RMDN2: variants seen among roughly 807,000 people sequenced by gnomAD.
RMDN2 encodes the protein regulator of microtubule dynamics 2, also known as regulator of microtubule dynamics protein 2.
A neutral mutation model predicts 52.8 loss-of-function variants in RMDN2; 61 were observed. The observed-to-expected ratio is 1.16, with a 90% confidence interval of 0.94 to 1.43. The LOEUF is 1.43. Among genes scored for constraint, RMDN2 ranks in the 40% most tolerant of loss-of-function variants. RMDN2 has a pLI of 0.00. For missense variants in RMDN2, 592 were observed against 475.3 expected (o/e 1.25, Z -2.28); for synonymous variants, 180 against 153.1 (o/e 1.18, Z -1.30).
At chr2:38,031,970 C>T (rs949550143) in intron 10 of RMDN2, among the ~76,000 whole-genome samples, 3 of 152,154 alleles carry the variant, frequency 2.0e-5, no homozygotes, top group Admixed American at 1.3e-4. Context: ...AATGCCGCTG[C>T]CTATCACTCA....
At chr2:37,925,249 G>C (rs962482060), upstream of RMDN2, 2 of 152,400 alleles carry the variant, frequency 1.3e-5, no homozygotes, top group Non-Finnish European at 2.9e-5. Flanking sequence ...GGAGCGGGGG[G>C]CCGAGCGGCC....
chr2:37,997,005 C>T (rs1261477064), intron 7 of RMDN2, among the ~76,000 whole-genome samples: 2 of 152,040 alleles, frequency 1.3e-5, no homozygotes, highest in African/African-American at 4.8e-5. Flanking sequence ...AGAGCAAAGG[C>T]GGAGTCTTGT....
intron 10 of RMDN2, among the ~76,000 whole-genome samples, chr2:38,057,488 T>A (rs749972982): frequency 1.3e-5 from 2 of 152,252 alleles, no homozygotes; most frequent in Admixed American, 6.5e-5. Context: ...GTGGACCAGA[T>A]TTGGACCATG....
At chr2:38,017,147 T>A (rs1227392998) in intron 10 of RMDN2, 39 bp from the exon 11 acceptor site, 1 of 1,277,424 alleles carries the variant, frequency 7.8e-7, no homozygotes, top group Non-Finnish European at 1.1e-6. Context: ...TCAAGATGAA[T>A]GCATGAAATT....
chr2:37,947,428 C>A (rs970453217), intron 2 of RMDN2, among the ~76,000 whole-genome samples: 1 of 151,882 alleles, frequency 6.6e-6, no homozygotes, highest in African/African-American at 2.4e-5. Flanking sequence ...ATAAAATAAC[C>A]AACATTTGTG....
chr2:37,946,227 A>C (rs1668208357), intron 2 of RMDN2, among the ~76,000 whole-genome samples: 1 of 152,206 alleles, frequency 6.6e-6, no homozygotes, highest in African/African-American at 2.4e-5. Context: ...AATAGAAAGT[A>C]GATACCTTTG....
intron 2 of RMDN2, among the ~76,000 whole-genome samples, chr2:37,945,561 C>G (rs1378635923): frequency 6.6e-6 from 1 of 152,052 alleles, no homozygotes; most frequent in Non-Finnish European, 1.5e-5. Flanking sequence ...TCTCTAATGC[C>G]TAGTACAAAT....
intron 10 of RMDN2, among the ~76,000 whole-genome samples, chr2:38,055,147 C>G (rs1558592356): frequency 6.6e-6 from 1 of 152,022 alleles, no homozygotes; most frequent in Non-Finnish European, 1.5e-5. Flanking sequence ...TCTACTTTCC[C>G]TCTTGCCTAG....
chr2:37,948,110 C>T (rs924445591), intron 2 of RMDN2, among the ~76,000 whole-genome samples: 1 of 152,120 alleles, frequency 6.6e-6, no homozygotes, highest in African/African-American at 2.4e-5. Context: ...GGTCTGTGGA[C>T]CAGCAACATC....
intron 2 of RMDN2, chr2:37,951,423 C>A: frequency 6.2e-7 from 1 of 1,612,316 alleles, no homozygotes; most frequent in Admixed American, 1.7e-5. Flanking sequence ...TGTATCAAGT[C>A]CATCTTTCTC....
At position 38,003,975 on chromosome 2, in the gene RMDN2, T is replaced by C; in HGVS notation, c.1045-16T>C. 1 of 1,596,712 alleles carries C rather than the reference T, an allele frequency of 6.3e-7. No individual in the cohort carries two copies. The highest frequency in any genetic ancestry group is 8.6e-7 in the Non-Finnish European group (1 of 1,164,482). On this transcript the variant is annotated splice_polypyrimidine_tract_variant and intron_variant, in intron 8 of 10. Coordinates refer to ENST00000354545, the MANE Select transcript of RMDN2 (RefSeq NM_001170791.3). ...ATATTGCCCTGTTATTCTCTCATGT[T>C]TTTCTCTCAAATCAGGCTGAAGAAC...
chr2:38,019,674 A>G (rs1371205311), downstream of RMDN2, among the ~76,000 whole-genome samples: 1 of 152,172 alleles, frequency 6.6e-6, no homozygotes, highest in Non-Finnish European at 1.5e-5. Flanking sequence ...AAGCCATTTA[A>G]TCAGAGAAAT....
chr2:37,997,560 C>A, intron 8 of RMDN2, 46 bp downstream of exon 8: 2 of 1,160,400 alleles, frequency 1.7e-6, no homozygotes, highest in Non-Finnish European at 2.6e-6. Flanking sequence ...TGATTACCAT[C>A]TGCACCAATC....
intron 7 of RMDN2, among the ~76,000 whole-genome samples, chr2:37,993,775 G>C (rs1000912379): frequency 7.7e-6 from 1 of 130,334 alleles, no homozygotes; most frequent in African/African-American, 2.9e-5. Flanking sequence ...GGGGTGGGGG[G>C]GAGATGAACT....
chr2:37,988,136 C>T (rs1292837719), intron 5 of RMDN2, among the ~76,000 whole-genome samples: 1 of 152,180 alleles, frequency 6.6e-6, no homozygotes, highest in East Asian at 1.9e-4. Flanking sequence ...ATACTTTCTG[C>T]TCAGTTTTGC....
At chr2:38,034,398 G>T (rs1389540259) in intron 10 of RMDN2, among the ~76,000 whole-genome samples, 3 of 152,128 alleles carry the variant, frequency 2.0e-5, no homozygotes, top group Admixed American at 1.3e-4. Flanking sequence ...GGAACTGTCT[G>T]GCATAGAAGA....
chr2:37,957,750 T>C (rs1003854039), intron 2 of RMDN2, among the ~76,000 whole-genome samples: 4 of 152,158 alleles, frequency 2.6e-5, no homozygotes, highest in Admixed American at 2.6e-4. Context: ...ATTGCCTAGG[T>C]TTTCTTCTAG....
chr2:37,988,679 C>T (rs953423881), intron 5 of RMDN2, among the ~76,000 whole-genome samples: 1 of 152,054 alleles, frequency 6.6e-6, no homozygotes, highest in African/African-American at 2.4e-5. Context: ...TATGACAATG[C>T]AAGTAAAAAT....
At chr2:38,035,758 C>G (rs1037791335) in intron 10 of RMDN2, 1 of 152,090 alleles carries the variant, frequency 6.6e-6, no homozygotes, top group Non-Finnish European at 1.5e-5. Context: ...CTAGTTTAAC[C>G]AGCAAGATGC....
Sources: gnomAD v4.1 joint callset for allele counts (sites outside exome capture counted in the v4.1 genomes callset) on GRCh38, gnomAD v4.1.1 for gene constraint, MANE v1.5 for transcripts, NCBI Gene and HGNC (gene_info 2026-07-23, HGNC 2026-07-21) for gene names.